BRI3BP: variants seen among roughly 807,000 people sequenced by gnomAD.
BRI3BP encodes BRI3-binding protein.
Under a neutral mutation model 15.8 loss-of-function variants are expected in BRI3BP, and 7 were observed. The observed-to-expected ratio is 0.44, with a 90% confidence interval of 0.25 to 0.83. BRI3BP has a LOEUF of 0.83. Among genes scored for constraint, BRI3BP ranks in the 40% least tolerant of loss-of-function variants. BRI3BP has a pLI of 0.20. For missense variants in BRI3BP, 320 were observed against 339.3 expected (o/e 0.94, Z 0.45); for synonymous variants, 192 against 163.5 (o/e 1.17, Z -1.33).
At position 125,027,105 on chromosome 12, in the gene BRI3BP, A is replaced by G. The variant is rs1312202882; in HGVS notation, c.*1675A>G. On this transcript the variant is annotated 3_prime_UTR_variant, in exon 3 of 3. Coordinates refer to ENST00000341446, the MANE Select transcript of BRI3BP (RefSeq NM_080626.6). ...ATAGATAACCCCTGCCAGACCTGCT[A>G]CAACCAAGACCTTATGGTCCAGGTC... 6.6e-6 allele frequency: 1 copy of G among 152,218 alleles called. No homozygotes were observed. The highest frequency in any genetic ancestry group is 1.5e-5 in the Non-Finnish European group (1 of 68,030). 9.4% of individuals were successfully genotyped at this position (152,218 alleles called of 1,614,324 possible).
intron 1 of BRI3BP, among the ~76,000 whole-genome samples, chr12:125,012,324 AG>A (rs1283762260): frequency 6.6e-6 from 1 of 152,312 alleles, no homozygotes; most frequent in South Asian, 2.1e-4. Context: ...CTTGCAAGGA[AG>A]GGGTCGTTTT....
chr12:125,022,354 T>G (rs1348163216), intron 2 of BRI3BP, among the ~76,000 whole-genome samples: 1 of 152,100 alleles, frequency 6.6e-6, no homozygotes, highest in Non-Finnish European at 1.5e-5. Context: ...CTTCAGAATT[T>G]CAGTGTTTCT....
intron 2 of BRI3BP, among the ~76,000 whole-genome samples, chr12:125,014,300 G>T (rs1955221768): frequency 6.6e-6 from 1 of 152,102 alleles, no homozygotes; most frequent in African/African-American, 2.4e-5. Context: ...CCTGGTCCCT[G>T]GTCCCAGCTG....
intron 1 of BRI3BP, among the ~76,000 whole-genome samples, chr12:125,002,618 A>G (rs985872278): frequency 6.6e-6 from 1 of 151,876 alleles, no homozygotes; most frequent in Non-Finnish European, 1.5e-5. Context: ...CACCACGCCC[A>G]GCTAATTTTT....
At chr12:125,013,363 G>C (rs954437962) in intron 2 of BRI3BP, among the ~76,000 whole-genome samples, 10 of 152,220 alleles carry the variant, frequency 6.6e-5, no homozygotes, top group Admixed American at 2.0e-4. Context: ...CAGGGTTGCA[G>C]CTGTTGAAAC....
intron 1 of BRI3BP, among the ~76,000 whole-genome samples, chr12:124,996,568 G>A (rs866877738): frequency 3.9e-4 from 59 of 151,954 alleles, no homozygotes; most frequent in Middle Eastern, 6.8e-3. Flanking sequence ...CAAGTGATCT[G>A]CCGACCTCAG....
chr12:125,049,904 A>G, the BRI3BP span, among the ~76,000 whole-genome samples: 3 of 152,130 alleles, frequency 2.0e-5, no homozygotes, highest in Non-Finnish European at 4.4e-5. Context: ...GGGGACGCGC[A>G]GGAGGCCCGT....
intron 1 of BRI3BP, among the ~76,000 whole-genome samples, chr12:125,009,399 C>T (rs961703292): frequency 7.4e-5 from 11 of 147,984 alleles, no homozygotes; most frequent in Admixed American, 6.3e-4. Flanking sequence ...AAGCAATTCT[C>T]CTGCCTCAGC....
chr12:125,016,824 C>CATTTTTTTTTTT (rs1955248772), intron 2 of BRI3BP, among the ~76,000 whole-genome samples: 1 of 91,278 alleles, frequency 1.1e-5, no homozygotes, highest in Non-Finnish European at 2.2e-5. Flanking sequence ...CTGCGCCCAG[C>CATTTTTTTTTTT]CTTTTTTTTT....
Position 124,993,998 on chromosome 12 carries a change from C to G in BRI3BP, c.208C>G (p.Gln70Glu), listed in dbSNP as rs755607251. Residue 70 changes from glutamine to glutamate, a missense_variant, in exon 1 of 3, where the codon CAG (glutamine) becomes GAG (glutamate). Coordinates refer to ENST00000341446, the MANE Select transcript of BRI3BP (RefSeq NM_080626.6). ...LFGEDNVRAA[Q>E]KFLARLTERF... Reference sequence around the variant, plus strand: ...CGGCGAGGACAACGTGCGCGCCGCTCAGAAGGTGGGCGCCGGGCCCGCGCC... The same window carrying G: ...CGGCGAGGACAACGTGCGCGCCGCTGAGAAGGTGGGCGCCGGGCCCGCGCC... 3 of 1,345,922 alleles carry G rather than the reference C, an allele frequency of 2.2e-6. No individual in the cohort carries two copies. In the South Asian group the frequency reaches 5.1e-5, roughly 23 times the overall value. 83.4% of individuals were successfully genotyped at this position (1,345,922 alleles called of 1,614,324 possible).
chr12:125,050,051 C>T, the BRI3BP span, among the ~76,000 whole-genome samples: 1 of 152,138 alleles, frequency 6.6e-6, no homozygotes, highest in African/African-American at 2.4e-5. Context: ...TTGCGTGACA[C>T]ACTAAAGAAT....
chr12:125,013,470 C>T (rs904528592), intron 2 of BRI3BP, among the ~76,000 whole-genome samples: 1 of 152,244 alleles, frequency 6.6e-6, no homozygotes, highest in Non-Finnish European at 1.5e-5. Flanking sequence ...GGTGCAGGGA[C>T]CCTTGCCATT....
At chr12:125,003,956 A>ACACAC (rs1955118800) in intron 1 of BRI3BP, among the ~76,000 whole-genome samples, 337 of 38,130 alleles carry the variant, frequency 8.8e-3, no homozygotes, top group Middle Eastern at 0.054. Context: ...CCATCTCAAA[A>ACACAC]ACACACACAC....
chr12:124,998,400 G>T (rs944929090), intron 1 of BRI3BP, among the ~76,000 whole-genome samples: 2 of 152,206 alleles, frequency 1.3e-5, no homozygotes, highest in African/African-American at 4.8e-5. Context: ...GATAAAATGT[G>T]ATGTGTCTGT....
At chr12:125,039,297 TA>T in the BRI3BP span, among the ~76,000 whole-genome samples, 1 of 152,204 alleles carries the variant, frequency 6.6e-6, no homozygotes, top group Admixed American at 6.5e-5. Flanking sequence ...TTTACAGAGT[TA>T]TCTTTTAATA....
chr12:125,033,144 G>A (rs930015715), downstream of BRI3BP, among the ~76,000 whole-genome samples: 5 of 152,206 alleles, frequency 3.3e-5, no homozygotes, highest in Non-Finnish European at 7.3e-5. Flanking sequence ...CTTGGGAACT[G>A]AGCCACAAAA....
chr12:125,041,600 C>T, the BRI3BP span, among the ~76,000 whole-genome samples: 1 of 152,180 alleles, frequency 6.6e-6, no homozygotes, highest in Non-Finnish European at 1.5e-5. Flanking sequence ...GAGCTCCTGC[C>T]TGGTCCCCAG....
chr12:125,007,235 A>G (rs766666236), intron 1 of BRI3BP, among the ~76,000 whole-genome samples: 2 of 151,882 alleles, frequency 1.3e-5, no homozygotes, highest in Non-Finnish European at 2.9e-5. Flanking sequence ...ATTGACAAAC[A>G]TGTACAAGTC....
chr12:124,993,866 G>T lies in BRI3BP; in HGVS notation c.76G>T (p.Gly26Trp), dbSNP rs1955016726. 5.1e-6 allele frequency: 6 copies of T among 1,165,190 alleles called. No homozygotes were observed. The South Asian group carries it at 1.5e-4, about 30-fold the overall frequency. 72.2% of individuals were successfully genotyped at this position (1,165,190 alleles called of 1,614,324 possible). A position where few individuals can be genotyped will look rare whatever the true frequency, so the allele number is the denominator to read the frequency against. Residue 26 changes from glycine to tryptophan, a missense_variant, in exon 1 of 3, where the codon GGG becomes TGG. Coordinates refer to ENST00000341446, the MANE Select transcript of BRI3BP (RefSeq NM_080626.6). The stretch of plus-strand genomic sequence containing the variant: ...GCTGCTGCTGCTGCTGCTGCTGCTC[G>T]GGCTGCTGGCCCCGGGCGCGCAGGG... ...LLLLLLLLLL[G>W]LLAPGAQGAR... is the part of the protein sequence containing the mutation.
Sources: gnomAD v4.1 joint callset for allele counts (sites outside exome capture counted in the v4.1 genomes callset) on GRCh38, gnomAD v4.1.1 for gene constraint, MANE v1.5 for transcripts, NCBI Gene and HGNC (gene_info 2026-07-23, HGNC 2026-07-21) for gene names.